TTC13: variants seen among roughly 807,000 people sequenced by gnomAD.
The protein encoded by TTC13 is tetratricopeptide repeat protein 13.
In TTC13, 62 loss-of-function variants were observed where a neutral mutation model predicts 120.0. The ratio of observed to expected loss-of-function variants is 0.52; its 90% CI spans 0.42 to 0.64. The LOEUF (loss-of-function observed/expected upper bound fraction) is 0.64. TTC13 is among the 30% of genes least tolerant of loss of function. The probability of loss-of-function intolerance (pLI) is 0.00; values close to 1 mark genes in which losing one functional copy is unlikely to be tolerated. For missense variants in TTC13, 824 were observed against 1,050.2 expected (o/e 0.78, Z 2.98); for synonymous variants, 384 against 393.5 (o/e 0.98, Z 0.28).
At chr1:230,929,880 A>AG (rs1188160819) in intron 11 of TTC13, among the ~76,000 whole-genome samples, 1 of 15,648 alleles carries the variant, frequency 6.4e-5, no homozygotes, top group African/African-American at 2.3e-4. Flanking sequence ...ACTGAACCAG[A>AG]AAAAAGGGAA....
chr1:230,932,808 CT>C (rs1673674123), intron 9 of TTC13, among the ~76,000 whole-genome samples: 1 of 152,140 alleles, frequency 6.6e-6, no homozygotes, highest in Admixed American at 6.5e-5. Flanking sequence ...AATAAAGGGA[CT>C]TTCCGTCGCT....
chr1:230,921,566 T>C, intron 15 of TTC13, 62 bp from the exon 16 acceptor site: 1 of 789,634 alleles, frequency 1.3e-6, no homozygotes, highest in Non-Finnish European at 2.0e-6. Flanking sequence ...CAAGCCAACA[T>C]CTAATTTCAA....
intron 1 of TTC13, among the ~76,000 whole-genome samples, chr1:230,973,902 C>T (rs943697381): frequency 3.3e-5 from 5 of 151,888 alleles, no homozygotes; most frequent in Non-Finnish European, 5.9e-5. Context: ...ATGGTGAAAC[C>T]CCATCTCTAC....
chr1:230,921,406 A>G lies in TTC13; in HGVS notation c.1898+15T>C, dbSNP rs1210720075. 7.3e-7 allele frequency: 1 copy of G among 1,375,264 alleles called. No individual in the cohort carries two copies. Among genetic ancestry groups the G allele is most frequent in the South Asian group, 1.3e-5 (1 of 79,570 alleles). 85.2% of individuals were successfully genotyped at this position (1,375,264 alleles called of 1,614,324 possible). ...AATCAACTCATTACTAAGAAGGAGA[A>G]AATTAAAGGCTTACCCATGATAAAC... On this transcript the variant is annotated intron_variant, in intron 16 of 22. Coordinates refer to ENST00000366661, the MANE Select transcript of TTC13 (RefSeq NM_024525.5).
rs1163734907 is a variant in TTC13 at position 230,945,284 on chromosome 1, C to T, written c.579+105G>A. Reference sequence around the variant, plus strand: ...CTGTGAACTGGAATGATAGATACCACTCCACATCCCATCAAGGGTCAATGA... The same window carrying T: ...CTGTGAACTGGAATGATAGATACCATTCCACATCCCATCAAGGGTCAATGA... On this transcript the variant is annotated intron_variant, in intron 5 of 22. Coordinates refer to ENST00000366661, the MANE Select transcript of TTC13 (RefSeq NM_024525.5). The T allele has an allele frequency of 6.9e-6, 7 of 1,013,368 alleles. No homozygotes were observed. In the East Asian group the frequency reaches 1.4e-4, roughly 21 times the overall value. 62.8% of individuals were successfully genotyped at this position (1,013,368 alleles called of 1,614,324 possible). A position where few individuals can be genotyped will look rare whatever the true frequency, so the allele number is the denominator to read the frequency against.
intron 18 of TTC13, 101 bp downstream of exon 18, chr1:230,916,092 G>T: frequency 1.2e-6 from 1 of 859,348 alleles, no homozygotes; most frequent in South Asian, 1.4e-5. Flanking sequence ...ATTTCAGGAT[G>T]GAGCAAAAGT....
Position 230,925,635 on chromosome 1 carries a change from A to C in TTC13, c.1470T>G (p.His490Gln). ...GLQPHIKDVLHQNFESYKPEV... is the reference protein window; with the variant it reads ...GLQPHIKDVLQQNFESYKPEV... ...CAGGCTTATAACTCTCAAAATTCTG[A>C]TGTAACACATCTCTGGAAGAAACAT... is the stretch of plus-strand genomic sequence containing the variant. The change falls in exon 13 of 23, where the codon CAT (histidine) becomes CAG (glutamine). Residue 490 changes from histidine to glutamine, a missense_variant. By Grantham distance (24) the His-to-Gln change is conservative. Transcript: ENST00000366661. 6.2e-7 allele frequency: 1 copy of C among 1,614,040 alleles called. No individual in the cohort carries two copies. Among genetic ancestry groups the C allele is most frequent in the Non-Finnish European group, 8.5e-7 (1 of 1,179,924 alleles).
At chr1:230,948,787 G>A (rs1018610923) in intron 4 of TTC13, among the ~76,000 whole-genome samples, 1 of 152,080 alleles carries the variant, frequency 6.6e-6, no homozygotes, top group Non-Finnish European at 1.5e-5. Context: ...ACCACACCCA[G>A]CTTCACTTCA....
chr1:230,925,011 T>C (rs1672933572), intron 13 of TTC13, 38 bp from the exon 14 acceptor site: 3 of 1,611,336 alleles, frequency 1.9e-6, no homozygotes, highest in East Asian at 2.2e-5. Flanking sequence ...TAGTACACTT[T>C]AGAGGGACTG....
intron 1 of TTC13, among the ~76,000 whole-genome samples, chr1:230,972,130 G>T (rs1383255472): frequency 6.6e-6 from 1 of 152,266 alleles, no homozygotes; most frequent in Non-Finnish European, 1.5e-5. Context: ...TGATTCCTAA[G>T]TGAGAGTCTA....
intron 11 of TTC13, 68 bp downstream of exon 11, chr1:230,931,230 A>G: frequency 6.5e-7 from 1 of 1,527,512 alleles, no homozygotes; most frequent in Non-Finnish European, 8.9e-7. Context: ...AACATAAAAG[A>G]GTCAAGCAAT....
rs1437933338 is a variant in TTC13 at position 230,944,152 on chromosome 1, C to A, written c.580-254G>T. Among the ~76,000 whole-genome samples the A allele has an allele frequency of 6.6e-6, 1 of 152,118 alleles. No individual in the cohort carries two copies. The highest frequency in any genetic ancestry group is 2.4e-5 in the African/African-American group (1 of 41,404). On this transcript the variant is annotated intron_variant, in intron 5 of 22. Transcript: ENST00000366661. This position sits in a 1 kb window ranked among gnomAD's most constrained non-coding sequence, Gnocchi z 4.0. Reference sequence around the variant, plus strand: ...TACCTATCACAAATTCCACAGATGGCAGGATATTATCTAAACTTAATCTAC... The same window carrying A: ...TACCTATCACAAATTCCACAGATGGAAGGATATTATCTAAACTTAATCTAC...
In TTC13 at chr1:230,961,250, G is replaced by A; in HGVS notation, c.325C>T (p.Pro109Ser). 6.2e-7 allele frequency: 1 copy of A among 1,614,074 alleles called. No homozygotes were observed. The highest frequency in any genetic ancestry group is 8.5e-7 in the Non-Finnish European group (1 of 1,179,988). The stretch of plus-strand genomic sequence containing the variant: ...TTGAGGGAAAGCAAGGAGTCACAGG[G>A]TGATGATCCCTTGGGTTCGCAGTCT... ...DSDCEPKGSS[P>S]CDSLLSLNTE... The change falls in exon 2 of 23, where the codon CCC (proline) becomes TCC (serine). Residue 109 changes from proline to serine, a missense_variant. Around this residue, in one of 4 missense-constraint regions of TTC13, gnomAD observed 8 missense variants for 27.1 expected, o/e 0.30. Coordinates refer to ENST00000366661, the MANE Select transcript of TTC13 (RefSeq NM_024525.5).
At chr1:230,908,101 A>C (rs1671115295) in intron 22 of TTC13, among the ~76,000 whole-genome samples, 1 of 152,238 alleles carries the variant, frequency 6.6e-6, no homozygotes, top group Admixed American at 6.5e-5. Context: ...TACTGAGCCT[A>C]AGAGTAAACA....
chr1:230,933,377 A>G (rs1673744099), intron 9 of TTC13, among the ~76,000 whole-genome samples: 1 of 152,038 alleles, frequency 6.6e-6, no homozygotes, highest in Non-Finnish European at 1.5e-5. Flanking sequence ...TTCTCAGCAG[A>G]TGTACATTAT....
chr1:230,966,128 C>T (rs1249754422), intron 1 of TTC13, among the ~76,000 whole-genome samples: 1 of 152,050 alleles, frequency 6.6e-6, no homozygotes, highest in Non-Finnish European at 1.5e-5. Flanking sequence ...TGTAGCTTCA[C>T]AATAAATAAA....
intron 7 of TTC13, 108 bp from the exon 8 acceptor site, chr1:230,939,604 C>CT: frequency 1.6e-6 from 1 of 620,406 alleles, no homozygotes. Context: ...ATCCTCTGCC[C>CT]TTTTTGGCTT....
At chr1:230,967,016 T>A (rs12040904) in intron 1 of TTC13, among the ~76,000 whole-genome samples, 48,361 of 151,974 alleles carry the variant, frequency 0.32, 7,803 homozygotes, top group Middle Eastern at 0.48. Context: ...ACATGGTAAA[T>A]CCTTTGTCCA....
At chr1:230,930,155 C>T (rs778774667) in intron 11 of TTC13, among the ~76,000 whole-genome samples, 14 of 152,138 alleles carry the variant, frequency 9.2e-5, no homozygotes, top group Non-Finnish European at 1.5e-4. Flanking sequence ...GAAAATTTAA[C>T]ATCCAAATTG....
Sources: allele counts gnomAD v4.1 joint callset (sites outside exome capture counted in the v4.1 genomes callset), GRCh38; gene constraint gnomAD v4.1.1; regional missense constraint gnomAD v4.1.1; non-coding constraint Gnocchi (gnomAD v3.1); transcripts MANE v1.5; gene names NCBI Gene and HGNC (gene_info 2026-07-23, HGNC 2026-07-21).